BAIAP2: variants seen among roughly 807,000 people sequenced by gnomAD.
The protein encoded by BAIAP2 is BAR/IMD domain-containing adapter protein 2.
A neutral mutation model predicts 63.0 loss-of-function variants in BAIAP2; 18 were observed. That is an observed-to-expected ratio of 0.29 (90% confidence interval 0.20 to 0.42). BAIAP2 has a LOEUF of 0.42. Ranked by LOEUF, BAIAP2 falls within the 10% of genes least tolerant of loss-of-function variation. The probability of loss-of-function intolerance (pLI) is 1.00; values close to 1 mark genes in which losing one functional copy is unlikely to be tolerated. For synonymous variants in BAIAP2, 386 were observed against 307.6 expected, an observed-to-expected ratio of 1.25 and a Z score of -2.67; for missense variants, 610 against 734.3, an observed-to-expected ratio of 0.83 and a Z score of 1.96.
rs1003600929 is a variant in BAIAP2 at position 81,098,329 on chromosome 17, C to CTCACTCCCCA, written c.490-1597_490-1596insACTCCCCATC. ...CGCCACTCTCTCCCCCAAACTCCCCCTCTCCAGTTTCCTCCCGAGGCTCAC... is the reference window on the plus strand; with the variant it reads ...CGCCACTCTCTCCCCCAAACTCCCCCTCACTCCCCATCTCCAGTTTCCTCCCGAGGCTCAC... On this transcript the variant is annotated intron_variant, in intron 6 of 13. Transcript: ENST00000428708. The CTCACTCCCCA allele has an allele frequency of 5.2e-6, 3 of 578,118 alleles. No homozygotes were observed. The African/African-American group carries it at 5.8e-5, about 11-fold the overall frequency. The allele number at this position is 578,118 out of a possible 1,614,324, so 35.8% of individuals were successfully genotyped here. A position where few individuals can be genotyped will look rare whatever the true frequency, so the allele number is the denominator to read the frequency against.
chr17:81,037,612 C>G (rs942936809), intron 1 of BAIAP2, among the ~76,000 whole-genome samples: 2 of 152,230 alleles, frequency 1.3e-5, no homozygotes, highest in African/African-American at 4.8e-5. Flanking sequence ...GTGCTGAGCT[C>G]TGTCCTCTCC....
intron 13 of BAIAP2, among the ~76,000 whole-genome samples, chr17:81,114,427 G>A (rs1026157689): frequency 6.6e-6 from 1 of 152,018 alleles, no homozygotes; most frequent in Non-Finnish European, 1.5e-5. Context: ...TCACCAGCGG[G>A]CCCCTAGGCA....
chr17:81,110,530 C>T, intron 13 of BAIAP2: 1 of 1,114,288 alleles, frequency 9.0e-7, no homozygotes, highest in East Asian at 5.2e-5. Context: ...GGGTATGGAC[C>T]TCCTTCCGGT....
intron 1 of BAIAP2, among the ~76,000 whole-genome samples, chr17:81,041,216 CCCTG>C: frequency 6.6e-6 from 1 of 152,344 alleles, no homozygotes; most frequent in Admixed American, 6.5e-5. Context: ...CTGGCCAGTC[CCCTG>C]GCCATATGAC....
At chr17:81,080,024 G>A (rs971275991) in intron 3 of BAIAP2, among the ~76,000 whole-genome samples, 2 of 152,176 alleles carry the variant, frequency 1.3e-5, no homozygotes, top group Admixed American at 6.5e-5. Flanking sequence ...TGGAGCCCTC[G>A]CTACTCCGTC....
chr17:81,054,560 G>A (rs1314539582), intron 2 of BAIAP2, among the ~76,000 whole-genome samples: 2 of 152,188 alleles, frequency 1.3e-5, no homozygotes, highest in African/African-American at 4.8e-5. Context: ...GACGGGAGGG[G>A]TGCGGATGTC....
chr17:81,091,422 T>C (rs936789822), intron 6 of BAIAP2, among the ~76,000 whole-genome samples: 5 of 152,082 alleles, frequency 3.3e-5, no homozygotes, highest in African/African-American at 1.2e-4. Flanking sequence ...AGCTGCACCC[T>C]ATGCTGGGGG....
chr17:81,050,998 T>C (rs778020970), intron 1 of BAIAP2, among the ~76,000 whole-genome samples: 1 of 151,796 alleles, frequency 6.6e-6, no homozygotes, highest in African/African-American at 2.4e-5. Context: ...CATTCTCCTC[T>C]CTGCTGGTAA....
intron 2 of BAIAP2, among the ~76,000 whole-genome samples, chr17:81,055,649 T>G (rs2049413824): frequency 6.8e-6 from 1 of 147,756 alleles, no homozygotes; most frequent in Admixed American, 6.9e-5. Context: ...CCCTGCAAAC[T>G]CTGCCTCCCG....
At chr17:81,048,487 C>T (rs2143878132) in intron 1 of BAIAP2, among the ~76,000 whole-genome samples, 1 of 152,218 alleles carries the variant, frequency 6.6e-6, no homozygotes, top group Non-Finnish European at 1.5e-5. Flanking sequence ...GCCACTCTCC[C>T]TTTGTTCCCC....
At chr17:81,094,101 G>A (rs56982120) in intron 6 of BAIAP2, among the ~76,000 whole-genome samples, 33,962 of 152,104 alleles carry the variant, frequency 0.22, 3,994 homozygotes, top group Non-Finnish European at 0.25. Context: ...TGTCCCCGGG[G>A]CCAGGGCAGC....
intron 1 of BAIAP2, among the ~76,000 whole-genome samples, chr17:81,041,019 C>T (rs145597959): frequency 1.8e-3 from 276 of 152,362 alleles, no homozygotes; most frequent in East Asian, 0.013. Context: ...GGCGGGGGCC[C>T]GTTTCTGCCT....
intron 7 of BAIAP2, among the ~76,000 whole-genome samples, chr17:81,100,651 C>T (rs190656011): frequency 7.2e-5 from 11 of 152,276 alleles, no homozygotes; most frequent in African/African-American, 2.2e-4. Flanking sequence ...ATGACACTGG[C>T]CCCAGGTCCA....
chr17:81,095,581 A>C (rs1405028812), intron 6 of BAIAP2, among the ~76,000 whole-genome samples: 1 of 152,170 alleles, frequency 6.6e-6, no homozygotes, highest in African/African-American at 2.4e-5. Context: ...GCGCTGACTC[A>C]GGCTCTGCCA....
At chr17:81,066,184 T>C (rs1181796969) in intron 3 of BAIAP2, among the ~76,000 whole-genome samples, 1 of 152,224 alleles carries the variant, frequency 6.6e-6, no homozygotes, top group Non-Finnish European at 1.5e-5. Flanking sequence ...TACCCGCTGG[T>C]GCCCACAGCA....
intron 1 of BAIAP2, among the ~76,000 whole-genome samples, chr17:81,040,476 C>T (rs1568056933): frequency 6.6e-6 from 1 of 152,264 alleles, no homozygotes; most frequent in African/African-American, 2.4e-5. Flanking sequence ...GGCCTCAACC[C>T]AGAGGCAGAA....
Position 81,080,480 on chromosome 17 carries a change from G to A in BAIAP2, c.218-4352G>A, listed in dbSNP as rs149716434. 3.1e-4 allele frequency among the ~76,000 whole-genome samples: 47 copies of A among 152,368 alleles called. No homozygotes were observed. The East Asian group carries it at 8.9e-3, about 29-fold the overall frequency. The stretch of plus-strand genomic sequence containing the variant: ...GCTGGGGGCTCGGGCTGGCGGGGAT[G>A]CTGGGGTGCACATTTGAGTGCTGCA... On this transcript the variant is annotated intron_variant, in intron 3 of 13. Transcript: ENST00000428708.
At chr17:81,088,565 T>G (rs779368103) in intron 6 of BAIAP2, among the ~76,000 whole-genome samples, 7 of 152,230 alleles carry the variant, frequency 4.6e-5, no homozygotes, top group Non-Finnish European at 1.0e-4. Flanking sequence ...TCCGTAGACT[T>G]GCCTGTTATG....
Position 81,035,224 on chromosome 17 carries a change from C to G in BAIAP2, c.-31C>G, listed in dbSNP as rs781521993. 13 of 1,474,830 alleles carry G rather than the reference C, an allele frequency of 8.8e-6. No individual in the cohort carries two copies. In the South Asian group the frequency reaches 9.3e-5, roughly 11 times the overall value. The allele number at this position is 1,474,830 out of a possible 1,614,324, so 91.4% of individuals were successfully genotyped here. A position where few individuals can be genotyped will look rare whatever the true frequency, so the allele number is the denominator to read the frequency against. ...GCTGCCGCCGCTTGCGTCCCCCGCTCCGGTCTGTGGTGCAGCCGGGACCCA... is the reference window on the plus strand; with the variant it reads ...GCTGCCGCCGCTTGCGTCCCCCGCTGCGGTCTGTGGTGCAGCCGGGACCCA... On this transcript the variant is annotated 5_prime_UTR_variant, in exon 1 of 14. Transcript: ENST00000428708.
Sources: gnomAD v4.1 joint callset for allele counts (sites outside exome capture counted in the v4.1 genomes callset) on GRCh38, gnomAD v4.1.1 for gene constraint, MANE v1.5 for transcripts, NCBI Gene and HGNC (gene_info 2026-07-23, HGNC 2026-07-21) for gene names.